Variants in CNOT6L observed in about 807,000 individuals in gnomAD.
CNOT6L encodes the protein CCR4-NOT transcription complex subunit 6-like.
A neutral mutation model predicts 64.0 loss-of-function variants in CNOT6L; 7 were observed. That is an observed-to-expected ratio of 0.11 (90% CI 0.06 to 0.21). The LOEUF is 0.21. Among genes scored for constraint, CNOT6L ranks in the 10% least tolerant of loss-of-function variants. The pLI is 1.00. For missense variants in CNOT6L, 245 were observed against 669.0 expected, an observed-to-expected ratio of 0.37 and a Z score of 6.99; for synonymous variants, 193 against 243.4, an observed-to-expected ratio of 0.79 and a Z score of 1.93.
chr4:77,806,433 A>G (rs1400902238), intron 1 of CNOT6L, among the ~76,000 whole-genome samples: 3 of 152,166 alleles, frequency 2.0e-5, no homozygotes, highest in African/African-American at 7.2e-5. Flanking sequence ...CTCAAAAAAA[A>G]AAAAAGATTA....
chr4:77,726,441 T>C, intron 10 of CNOT6L, 72 bp from the exon 11 acceptor site: 1 of 1,204,314 alleles, frequency 8.3e-7, no homozygotes, highest in Non-Finnish European at 1.2e-6. Flanking sequence ...CCAAGACTTG[T>C]TACCAGGTTA....
chr4:77,772,147 A>G (rs769993950), intron 4 of CNOT6L, among the ~76,000 whole-genome samples: 1 of 152,232 alleles, frequency 6.6e-6, no homozygotes, highest in Admixed American at 6.5e-5. Context: ...TCTCTCCTGT[A>G]ATCACATCAA....
chr4:77,787,506 A>G (rs1488314857), intron 1 of CNOT6L, among the ~76,000 whole-genome samples: 2 of 152,180 alleles, frequency 1.3e-5, no homozygotes, highest in Non-Finnish European at 2.9e-5. Flanking sequence ...AAAGCAAACT[A>G]TAGCATGGCG....
intron 1 of CNOT6L, among the ~76,000 whole-genome samples, chr4:77,782,297 C>T (rs528143737): frequency 1.6e-4 from 25 of 152,042 alleles, no homozygotes; most frequent in African/African-American, 6.0e-4. Flanking sequence ...TTGCACTGTG[C>T]CATTTTTGAA....
intron 10 of CNOT6L, 148 bp downstream of exon 10, chr4:77,728,706 A>T: frequency 1.5e-6 from 1 of 655,794 alleles, no homozygotes; most frequent in Non-Finnish European, 2.7e-6. Flanking sequence ...CTTCTTTATT[A>T]AACTCTCTTC....
In CNOT6L at chr4:77,726,360, TC is replaced by T; in HGVS notation, c.1261del (p.Glu421AsnfsTer3). On this transcript the variant is annotated frameshift_variant, in exon 11 of 12. Coordinates refer to ENST00000504123, the MANE Select transcript of CNOT6L (RefSeq NM_144571.3). LOFTEE classifies it high-confidence loss of function. ...LNSLPDSGVV[E>X]YLSNGGVADN... ...AGCTACTCCTCCATTGCTTAAGTAT[TC>T]CACAACACCTGGTAGAATAAAGAAG... 6.2e-7 allele frequency: 1 copy of T among 1,611,444 alleles called. No homozygotes were observed. Among genetic ancestry groups the T allele is most frequent in the Non-Finnish European group, 8.5e-7 (1 of 1,177,978 alleles).
chr4:77,736,414 A>G (rs1276937013), intron 8 of CNOT6L, among the ~76,000 whole-genome samples: 1 of 152,238 alleles, frequency 6.6e-6, no homozygotes. Context: ...TTCCTTGTTT[A>G]TAACTGTAAT....
chr4:77,721,927 C>T (rs1721322502), intron 11 of CNOT6L, among the ~76,000 whole-genome samples: 2 of 151,306 alleles, frequency 1.3e-5, no homozygotes, highest in African/African-American at 4.9e-5. Flanking sequence ...AATTGTCCCA[C>T]TGCTTTCCAG....
At chr4:77,760,872 T>C (rs1273894041) in intron 4 of CNOT6L, among the ~76,000 whole-genome samples, 1 of 108,164 alleles carries the variant, frequency 9.2e-6, no homozygotes, top group East Asian at 2.6e-4. Context: ...TTTTTTTTTT[T>C]TTTTTTTTTT....
chr4:77,791,451 T>C (rs565090966), intron 1 of CNOT6L, among the ~76,000 whole-genome samples: 2 of 151,864 alleles, frequency 1.3e-5, no homozygotes, highest in South Asian at 2.1e-4. Context: ...AATGAGAAAA[T>C]ACTGCCAAGT....
At chr4:77,812,143 A>G (rs1282505680) in intron 1 of CNOT6L, among the ~76,000 whole-genome samples, 2 of 152,164 alleles carry the variant, frequency 1.3e-5, no homozygotes, top group African/African-American at 4.8e-5. Flanking sequence ...TATGGAATCC[A>G]CTTAAAAACT....
chr4:77,800,935 A>G (rs946865637), intron 1 of CNOT6L, among the ~76,000 whole-genome samples: 1 of 152,242 alleles, frequency 6.6e-6, no homozygotes, highest in East Asian at 1.9e-4. Flanking sequence ...TTAAACAAAG[A>G]GCTAACCCTT....
chr4:77,748,120 A>G (rs906345976), intron 6 of CNOT6L, among the ~76,000 whole-genome samples, 196 bp downstream of exon 6: 11 of 152,198 alleles, frequency 7.2e-5, no homozygotes, highest in Non-Finnish European at 1.6e-4. Context: ...CAAGGGCTGC[A>G]TTACTGTGAA....
intron 1 of CNOT6L, among the ~76,000 whole-genome samples, chr4:77,803,762 G>T (rs1188142139): frequency 6.6e-6 from 1 of 152,102 alleles, no homozygotes; most frequent in African/African-American, 2.4e-5. Context: ...AATTAGCCGG[G>T]TGTGGTGGCA....
intron 1 of CNOT6L, among the ~76,000 whole-genome samples, chr4:77,792,293 G>A (rs1401441401): frequency 6.6e-6 from 1 of 151,834 alleles, no homozygotes; most frequent in East Asian, 1.9e-4. Flanking sequence ...AACTATAGAG[G>A]CAAAAATTCT....
At chr4:77,754,647 C>T (rs1299268671) in intron 5 of CNOT6L, among the ~76,000 whole-genome samples, 1 of 151,910 alleles carries the variant, frequency 6.6e-6, no homozygotes, top group Non-Finnish European at 1.5e-5. Flanking sequence ...AAGACTTACT[C>T]TACTGGATCT....
chr4:77,787,305 C>T lies in CNOT6L; in HGVS notation c.6-10913G>A, dbSNP rs1358758818. On this transcript the variant is annotated intron_variant, in intron 1 of 11. Coordinates refer to ENST00000504123, the MANE Select transcript of CNOT6L (RefSeq NM_144571.3). The stretch of plus-strand genomic sequence containing the variant: ...ATAATAATAATAATAGATGACACTA[C>T]TAATCCTAGTTGCCTCCTTCCTTCA... Among the ~76,000 whole-genome samples, 3 of 152,128 alleles carry T rather than the reference C, an allele frequency of 2.0e-5. No individual in the cohort carries two copies. The East Asian group carries it at 5.8e-4, about 29-fold the overall frequency.
chr4:77,814,725 T>C (rs1484884563), intron 1 of CNOT6L, among the ~76,000 whole-genome samples: 2 of 152,176 alleles, frequency 1.3e-5, no homozygotes, highest in Non-Finnish European at 1.5e-5. Flanking sequence ...AAAGAGATTA[T>C]ATATAACTCC....
chr4:77,798,921 G>A (rs1288797222), intron 1 of CNOT6L, among the ~76,000 whole-genome samples: 4 of 151,996 alleles, frequency 2.6e-5, no homozygotes, highest in Non-Finnish European at 5.9e-5. Context: ...CAAGGCTAGA[G>A]TGTGCCATGA....
Sources: gnomAD v4.1 joint callset for allele counts (sites outside exome capture counted in the v4.1 genomes callset) on GRCh38, gnomAD v4.1.1 for gene constraint, MANE v1.5 for transcripts, NCBI Gene and HGNC (gene_info 2026-07-23, HGNC 2026-07-21) for gene names.